CHRM3: variants seen among roughly 807,000 people sequenced by gnomAD.
The protein encoded by CHRM3 is cholinergic receptor muscarinic 3.
A neutral mutation model predicts 41.8 loss-of-function variants in CHRM3; 11 were observed. That is an observed-to-expected ratio of 0.26 (90% CI 0.17 to 0.44). The LOEUF (loss-of-function observed/expected upper bound fraction) is 0.44. CHRM3 is among the 20% of genes least tolerant of loss of function. CHRM3 has a pLI of 1.00. For missense variants in CHRM3, 571 were observed against 745.4 expected, an observed-to-expected ratio of 0.77 and a Z score of 2.72; for synonymous variants, 297 against 301.4, an observed-to-expected ratio of 0.99 and a Z score of 0.15.
At chr1:239,547,792 TA>T (rs1659437383) in intron 3 of CHRM3, among the ~76,000 whole-genome samples, 2 of 152,246 alleles carry the variant, frequency 1.3e-5, no homozygotes, top group Admixed American at 1.3e-4. Flanking sequence ...ATTATTGATT[TA>T]TTTTGTTAGA....
intron 3 of CHRM3, among the ~76,000 whole-genome samples, chr1:239,623,045 C>A (rs905007678): frequency 6.6e-5 from 10 of 151,632 alleles, no homozygotes; most frequent in African/African-American, 2.4e-4. Context: ...TTGAGGCAAA[C>A]CCTCCACCAA....
At chr1:239,476,524 G>A (rs1158126024) in intron 1 of CHRM3, among the ~76,000 whole-genome samples, 1 of 151,350 alleles carries the variant, frequency 6.6e-6, no homozygotes, top group Non-Finnish European at 1.5e-5. Flanking sequence ...GTAACAAACT[G>A]AATGACTTGA....
chr1:239,411,817 C>T (rs1206527627), intron 1 of CHRM3, among the ~76,000 whole-genome samples: 10 of 142,794 alleles, frequency 7.0e-5, no homozygotes, highest in Admixed American at 5.0e-4. Context: ...TGGAAAGTAA[C>T]GTAATTCTCA....
intron 6 of CHRM3, among the ~76,000 whole-genome samples, chr1:239,871,381 A>G (rs1253624094): frequency 1.3e-5 from 2 of 152,090 alleles, no homozygotes; most frequent in Admixed American, 1.3e-4. Flanking sequence ...AGCTGGGACT[A>G]CAGGCATGCG....
chr1:239,610,995 G>A (rs893828748), intron 3 of CHRM3, among the ~76,000 whole-genome samples: 1 of 152,056 alleles, frequency 6.6e-6, no homozygotes, highest in African/African-American at 2.4e-5. Context: ...AGGTTGCAGT[G>A]AGCCAAGATC....
chr1:239,610,156 GC>G (rs1666848238), intron 3 of CHRM3, among the ~76,000 whole-genome samples: 1 of 120,994 alleles, frequency 8.3e-6, no homozygotes, highest in African/African-American at 3.1e-5. Flanking sequence ...TCACGCCACT[GC>G]ACTCCAGCCT....
chr1:239,828,368 A>C (rs1672630826), intron 6 of CHRM3, among the ~76,000 whole-genome samples: 1 of 152,194 alleles, frequency 6.6e-6, no homozygotes, highest in African/African-American at 2.4e-5. Context: ...ATATAGGTAC[A>C]CATACATAGA....
intron 4 of CHRM3, among the ~76,000 whole-genome samples, chr1:239,652,668 C>T (rs1275792268): frequency 1.3e-5 from 2 of 151,848 alleles, no homozygotes; most frequent in Non-Finnish European, 2.9e-5. Flanking sequence ...ACTGCAGGCA[C>T]GGACTTGCAA....
At chr1:239,599,765 A>G (rs1665281955) in intron 3 of CHRM3, among the ~76,000 whole-genome samples, 1 of 152,198 alleles carries the variant, frequency 6.6e-6, no homozygotes, top group South Asian at 2.1e-4. Context: ...ATCTAACACA[A>G]AACCTATTTT....
intron 5 of CHRM3, among the ~76,000 whole-genome samples, chr1:239,695,915 T>C (rs543046342): frequency 3.8e-4 from 58 of 152,346 alleles, no homozygotes; most frequent in African/African-American, 1.3e-3. Context: ...AGTATTTATC[T>C]TGATTTTTCC....
At chr1:239,544,518 C>A (rs980520086) in intron 2 of CHRM3, among the ~76,000 whole-genome samples, 1 of 152,084 alleles carries the variant, frequency 6.6e-6, no homozygotes, top group African/African-American at 2.4e-5. Context: ...AATGATATTT[C>A]AGATTATTCT....
intron 5 of CHRM3, among the ~76,000 whole-genome samples, chr1:239,685,975 A>AAC (rs1392613717): frequency 8.0e-6 from 1 of 124,768 alleles, no homozygotes; most frequent in Non-Finnish European, 1.8e-5. Flanking sequence ...AAAACAAACA[A>AAC]AGACAAAAAC....
intron 5 of CHRM3, among the ~76,000 whole-genome samples, chr1:239,711,298 C>T (rs917165499): frequency 6.6e-6 from 1 of 152,002 alleles, no homozygotes; most frequent in East Asian, 1.9e-4. Context: ...TCCAACTTTG[C>T]ATCCTTTGAG....
chr1:239,782,792 A>G (rs1668601539), intron 5 of CHRM3, among the ~76,000 whole-genome samples: 1 of 152,076 alleles, frequency 6.6e-6, no homozygotes. Context: ...GCACCACACA[A>G]GTTTTGATAA....
chr1:239,593,808 C>T (rs554649770), intron 3 of CHRM3, among the ~76,000 whole-genome samples: 1 of 152,080 alleles, frequency 6.6e-6, no homozygotes, highest in East Asian at 1.9e-4. Context: ...CACCTATAAC[C>T]CTTACTCAAA....
intron 4 of CHRM3, among the ~76,000 whole-genome samples, chr1:239,648,519 T>C (rs1671941036): frequency 6.6e-6 from 1 of 152,168 alleles, no homozygotes; most frequent in Non-Finnish European, 1.5e-5. Context: ...CATCTAGAAA[T>C]GGCTGTCAGT....
intron 4 of CHRM3, among the ~76,000 whole-genome samples, chr1:239,648,522 C>T (rs1351860117): frequency 6.6e-6 from 1 of 152,108 alleles, no homozygotes; most frequent in Non-Finnish European, 1.5e-5. Context: ...CTAGAAATGG[C>T]TGTCAGTGGA....
intron 5 of CHRM3, among the ~76,000 whole-genome samples, chr1:239,761,658 G>A: frequency 6.6e-6 from 1 of 152,168 alleles, no homozygotes; most frequent in East Asian, 1.9e-4. Context: ...TCGGCCAGAT[G>A]CCTCATGCGC....
chr1:239,909,394 A>G lies in CHRM3; in HGVS notation c.*170A>G. 1.8e-6 allele frequency: 1 copy of G among 559,240 alleles called. No individual in the cohort carries two copies. The highest frequency in any genetic ancestry group is 4.9e-4 in the Middle Eastern group (1 of 2,044). The allele number at this position is 559,240 out of a possible 1,614,324, so 34.6% of individuals were successfully genotyped here. A position where few individuals can be genotyped will look rare whatever the true frequency, so the allele number is the denominator to read the frequency against. ...CCATTGAATAAACCCATTTTAATAG[A>G]AAAAGTCAATACCAATTCAGCAAAA... On this transcript the variant is annotated 3_prime_UTR_variant, in exon 7 of 7. Transcript: ENST00000676153.
Sources: allele counts gnomAD v4.1 joint callset (sites outside exome capture counted in the v4.1 genomes callset), GRCh38; gene constraint gnomAD v4.1.1; transcripts MANE v1.5; gene names NCBI Gene and HGNC (gene_info 2026-07-23, HGNC 2026-07-21).